NLRP8: variants seen among roughly 807,000 people sequenced by gnomAD.
The protein encoded by NLRP8 is NLR family pyrin domain containing 8, also known as NACHT, LRR and PYD domains-containing protein 8.
In NLRP8, 86 loss-of-function variants were observed where a neutral mutation model predicts 88.7. That is an observed-to-expected ratio of 0.97 (90% confidence interval 0.81 to 1.16). NLRP8 has a LOEUF of 1.16. NLRP8 is among the 50% of genes most tolerant of loss of function. The pLI is 0.00. For missense variants in NLRP8, 1,342 were observed against 1,286.5 expected (o/e 1.04, Z -0.66); for synonymous variants, 504 against 494.6 (o/e 1.02, Z -0.25).
At chr19:55,963,289 C>T (rs1377617684) in intron 4 of NLRP8, among the ~76,000 whole-genome samples, 2 of 152,200 alleles carry the variant, frequency 1.3e-5, no homozygotes, top group East Asian at 1.9e-4. Flanking sequence ...GCTGGGATTA[C>T]AGATGTGACC....
chr19:55,968,233 G>C (rs543011155), intron 5 of NLRP8, among the ~76,000 whole-genome samples: 13 of 152,240 alleles, frequency 8.5e-5, no homozygotes, highest in African/African-American at 3.1e-4. Flanking sequence ...GAAGTTGAGA[G>C]TTCGAGACCA....
At chr19:55,979,112 A>C (rs1208189808) in intron 8 of NLRP8, among the ~76,000 whole-genome samples, 1 of 152,234 alleles carries the variant, frequency 6.6e-6, no homozygotes, top group Non-Finnish European at 1.5e-5. Context: ...CACTAGGTAG[A>C]ATCAAATATC....
chr19:55,958,896 T>C (rs1600301741), intron 3 of NLRP8, among the ~76,000 whole-genome samples: 1 of 151,854 alleles, frequency 6.6e-6, no homozygotes, highest in African/African-American at 2.4e-5. Flanking sequence ...TTGTTTGTTT[T>C]GAGACGGAGT....
chr19:55,957,905 A>C (rs1187643959), intron 3 of NLRP8, among the ~76,000 whole-genome samples: 1 of 151,994 alleles, frequency 6.6e-6, no homozygotes, highest in Non-Finnish European at 1.5e-5. Flanking sequence ...TTTCTTAAGA[A>C]GTGGCAAAAA....
chr19:55,949,952 A>T (rs896076621), intron 1 of NLRP8, among the ~76,000 whole-genome samples: 8 of 152,178 alleles, frequency 5.3e-5, no homozygotes, highest in African/African-American at 1.9e-4. Flanking sequence ...TGAGGAAATG[A>T]TGCTAAGGTT....
chr19:55,954,385 G>T (rs1979233472), intron 2 of NLRP8, 116 bp from the exon 3 acceptor site: 1 of 1,016,118 alleles, frequency 9.8e-7, no homozygotes. Flanking sequence ...TTTCATTTAT[G>T]CAAGGGCATC....
At chr19:55,971,741 A>G (rs1003808067) in intron 6 of NLRP8, among the ~76,000 whole-genome samples, 42 of 152,212 alleles carry the variant, frequency 2.8e-4, no homozygotes, top group African/African-American at 1.0e-3. Context: ...CTTCAGTTTT[A>G]GTAGGTTTGT....
intron 3 of NLRP8, among the ~76,000 whole-genome samples, chr19:55,957,812 C>T (rs1979446366): frequency 6.7e-6 from 1 of 150,114 alleles, no homozygotes; most frequent in Non-Finnish European, 1.5e-5. Flanking sequence ...CAAACTGTTA[C>T]CACTCATGTA....
intron 3 of NLRP8, among the ~76,000 whole-genome samples, chr19:55,959,936 A>G (rs979772582): frequency 6.6e-6 from 1 of 152,106 alleles, no homozygotes; most frequent in Middle Eastern, 3.2e-3. Context: ...TGCTGAGGTC[A>G]TTACCTTTAT....
intron 8 of NLRP8, among the ~76,000 whole-genome samples, chr19:55,977,052 C>T (rs1980373181): frequency 6.8e-6 from 1 of 147,140 alleles, no homozygotes; most frequent in Non-Finnish European, 1.5e-5. Context: ...TGTACTCCAG[C>T]CTGGGCCACA....
In NLRP8 at chr19:55,976,184, G is replaced by T. The variant is rs187689961; in HGVS notation, c.2757G>T (p.Ala919=). Reference sequence around the variant, plus strand: ...ATTGCTGTCAGGATATGATCTCTGCGCTCTGTAAAAATAAAACCCTGAAAA... The same window carrying T: ...ATTGCTGTCAGGATATGATCTCTGCTCTCTGTAAAAATAAAACCCTGAAAA... Residue 919 remains alanine (A), a synonymous_variant, in exon 8 of 10, where the codon GCG becomes GCT. Coordinates refer to ENST00000291971, the MANE Select transcript of NLRP8 (RefSeq NM_176811.2). 6.2e-7 allele frequency: 1 copy of T among 1,613,492 alleles called. No homozygotes were observed. Among genetic ancestry groups the T allele is most frequent in the Non-Finnish European group, 8.5e-7 (1 of 1,179,888 alleles).
Position 55,970,556 on chromosome 19 carries a change from C to T in NLRP8, c.2394C>T (p.Cys798=). ...CTGGCTTCTACAGGTTGGAAGACTG[C>T]TTGGCCACCCCTAGAATTTGGACTG... is the stretch of plus-strand genomic sequence containing the variant. Residue 798 remains cysteine, a synonymous_variant, in exon 6 of 10, where the codon TGC becomes TGT. Coordinates refer to ENST00000291971, the MANE Select transcript of NLRP8 (RefSeq NM_176811.2). 3.7e-6 allele frequency: 6 copies of T among 1,614,096 alleles called. No homozygotes were observed. The highest frequency in any genetic ancestry group is 5.1e-6 in the Non-Finnish European group (6 of 1,179,982).
chr19:55,967,184 T>A (rs555529137), intron 5 of NLRP8, among the ~76,000 whole-genome samples: 24 of 152,348 alleles, frequency 1.6e-4, no homozygotes, highest in African/African-American at 5.8e-4. Context: ...TGTTAACCCG[T>A]TTATGCCCGA....
At chr19:55,963,057 A>C (rs1979686256) in intron 4 of NLRP8, among the ~76,000 whole-genome samples, 1 of 152,022 alleles carries the variant, frequency 6.6e-6, no homozygotes, top group African/African-American at 2.4e-5. Context: ...TTTGTTGTCC[A>C]GGCTGGAGTG....
chr19:55,981,683 A>G (rs1330009852), intron 9 of NLRP8, among the ~76,000 whole-genome samples: 1 of 152,242 alleles, frequency 6.6e-6, no homozygotes, highest in East Asian at 1.9e-4. Flanking sequence ...TGTAGCAAGT[A>G]CTGGAAAAAG....
intron 1 of NLRP8, among the ~76,000 whole-genome samples, chr19:55,952,021 G>A (rs1184552964): frequency 6.6e-6 from 1 of 152,166 alleles, no homozygotes; most frequent in African/African-American, 2.4e-5. Context: ...CAAAGTGCTG[G>A]GATTACAGGC....
chr19:55,985,763 C>T (rs1980778844), intron 9 of NLRP8, among the ~76,000 whole-genome samples: 1 of 152,166 alleles, frequency 6.6e-6, no homozygotes, highest in African/African-American at 2.4e-5. Context: ...TGCCTGTAAT[C>T]CCAGCACTTT....
intron 8 of NLRP8, among the ~76,000 whole-genome samples, chr19:55,978,542 T>A (rs903583145): frequency 6.6e-6 from 1 of 152,152 alleles, no homozygotes. Flanking sequence ...GGCTCAGATC[T>A]CTTTCCCTCT....
In NLRP8 at chr19:55,988,332, T is replaced by G; in HGVS notation, c.*419T>G. On this transcript the variant is annotated 3_prime_UTR_variant, in exon 10 of 10. Transcript: ENST00000291971. ...ATCACTTGAATCTAGGAGGCAGAGT[T>G]TGCAGTGAGCTGAGATCACGCCATT... 2 of 158,478 alleles carry G rather than the reference T, an allele frequency of 1.3e-5. No individual in the cohort carries two copies. Among genetic ancestry groups the G allele is most frequent in the Non-Finnish European group, 2.8e-5 (2 of 72,550 alleles). 9.8% of individuals were successfully genotyped at this position (158,478 alleles called of 1,614,324 possible). A position where few individuals can be genotyped will look rare whatever the true frequency, so the allele number is the denominator to read the frequency against.
Sources: allele counts gnomAD v4.1 joint callset (sites outside exome capture counted in the v4.1 genomes callset), GRCh38; gene constraint gnomAD v4.1.1; transcripts MANE v1.5; gene names NCBI Gene and HGNC (gene_info 2026-07-23, HGNC 2026-07-21).